The following NPHP4 variants were observed in gnomAD, a reference collection of about 807,000 sequenced individuals.
NPHP4 encodes the protein nephrocystin-4.
NPHP4 carries 151 observed loss-of-function variants against 155.8 expected under a neutral mutation model. The observed-to-expected ratio is 0.97, with a 90% CI of 0.85 to 1.11. The LOEUF (loss-of-function observed/expected upper bound fraction) is 1.11. Ranked by LOEUF, NPHP4 falls within the 50% of genes least tolerant of loss-of-function variation. NPHP4 has a pLI of 0.00. For missense variants in NPHP4, 1,956 were observed against 1,925.7 expected (o/e 1.02, Z -0.29); for synonymous variants, 845 against 816.8 (o/e 1.03, Z -0.59).
chr1:5,954,118 T>C (rs764968457), intron 6 of NPHP4, among the ~76,000 whole-genome samples: 1 of 152,210 alleles, frequency 6.6e-6, no homozygotes, highest in East Asian at 1.9e-4. Context: ...GTAATTCCAC[T>C]TTTTGAACCT....
rs556173094 is a variant in NPHP4 at position 5,874,784 on chromosome 1, C to A, written c.3044+90G>T. ...AGAGAAGTCAAATCGCCCCGGCTCT[C>A]GGGCAGAATTCGAGCCAGCTCAGCA... On this transcript the variant is annotated intron_variant, in intron 21 of 29. Transcript: ENST00000378156. The A allele has an allele frequency of 9.8e-6, 15 of 1,524,950 alleles. No individual in the cohort carries two copies. The East Asian group carries it at 1.6e-4, about 16-fold the overall frequency. The allele number at this position is 1,524,950 out of a possible 1,614,324, so 94.5% of individuals were successfully genotyped here.
At chr1:5,974,821 C>A (rs1453029043) in intron 3 of NPHP4, among the ~76,000 whole-genome samples, 1 of 152,174 alleles carries the variant, frequency 6.6e-6, no homozygotes, top group African/African-American at 2.4e-5. Flanking sequence ...GGGCACTCCA[C>A]AAAACCTGAG....
intron 2 of NPHP4, among the ~76,000 whole-genome samples, 196 bp downstream of exon 2, chr1:5,985,959 A>G (rs1228047677): frequency 1.3e-5 from 2 of 152,236 alleles, no homozygotes; most frequent in African/African-American, 2.4e-5. Flanking sequence ...ATTTTTAAAT[A>G]AAATGTTGGG....
At chr1:5,959,520 TGA>T (rs1177610270) in intron 6 of NPHP4, among the ~76,000 whole-genome samples, 1 of 152,164 alleles carries the variant, frequency 6.6e-6, no homozygotes, top group African/African-American at 2.4e-5. Flanking sequence ...GTCATGAGGC[TGA>T]GCCAGTCCAG....
chr1:5,875,174 C>T, intron 20 of NPHP4, 74 bp from the exon 21 acceptor site: 3 of 1,111,380 alleles, frequency 2.7e-6, no homozygotes, highest in Admixed American at 2.0e-5. Context: ...GCTGGCTGCC[C>T]ACCACCCGCG....
intron 6 of NPHP4, among the ~76,000 whole-genome samples, chr1:5,957,002 C>A (rs555836760): frequency 1.3e-5 from 2 of 152,206 alleles, no homozygotes; most frequent in Non-Finnish European, 1.5e-5. Flanking sequence ...CCTTTTACTA[C>A]CTGAAATCAT....
chr1:5,979,562 G>A (rs1226334321), intron 2 of NPHP4, among the ~76,000 whole-genome samples: 8 of 152,098 alleles, frequency 5.3e-5, no homozygotes, highest in Non-Finnish European at 1.2e-4. Context: ...TTTAAGAAAA[G>A]GGTCTCGTCT....
chr1:5,938,511 G>A (rs1646661829), intron 9 of NPHP4, among the ~76,000 whole-genome samples: 1 of 152,300 alleles, frequency 6.6e-6, no homozygotes. Flanking sequence ...GAGTCCAAAC[G>A]AGACGGACAG....
intron 1 of NPHP4, chr1:5,991,516 G>A (rs139145332): frequency 2.6e-5 from 4 of 152,396 alleles, no homozygotes; most frequent in African/African-American, 9.6e-5. Context: ...GAAAGCAGCG[G>A]TCTCCTAAGA....
chr1:5,984,486 GAT>G (rs1655169707), intron 2 of NPHP4, among the ~76,000 whole-genome samples: 1 of 152,028 alleles, frequency 6.6e-6, no homozygotes, highest in Non-Finnish European at 1.5e-5. Flanking sequence ...AGTGAGCTGA[GAT>G]CACACCACTG....
chr1:5,980,637 C>A (rs1654524800), intron 2 of NPHP4, among the ~76,000 whole-genome samples: 2 of 152,070 alleles, frequency 1.3e-5, no homozygotes, highest in African/African-American at 4.8e-5. Flanking sequence ...GCAGGCACCG[C>A]TGGGCTCTGC....
chr1:5,938,615 C>T (rs1272527995), intron 9 of NPHP4, among the ~76,000 whole-genome samples: 1 of 152,238 alleles, frequency 6.6e-6, no homozygotes, highest in Non-Finnish European at 1.5e-5. Context: ...ATGACACAGG[C>T]TGTGCGCTGT....
chr1:5,873,739 C>A, intron 22 of NPHP4: 1 of 293,716 alleles, frequency 3.4e-6, no homozygotes, highest in Admixed American at 5.2e-5. Flanking sequence ...CCCATGCCGG[C>A]CTCACGCACC....
At chr1:5,943,227 T>C (rs1281476608) in intron 9 of NPHP4, among the ~76,000 whole-genome samples, 1 of 152,110 alleles carries the variant, frequency 6.6e-6, no homozygotes, top group African/African-American at 2.4e-5. Flanking sequence ...AACTAAAAAA[T>C]GCAAAAAAAT....
chr1:5,953,831 C>T (rs1165327754), intron 6 of NPHP4, among the ~76,000 whole-genome samples: 3 of 152,236 alleles, frequency 2.0e-5, no homozygotes, highest in African/African-American at 7.2e-5. Context: ...AACCTACACA[C>T]ACCTGTGGAC....
At chr1:5,878,612 G>C (rs996015216) in intron 19 of NPHP4, among the ~76,000 whole-genome samples, 6 of 152,204 alleles carry the variant, frequency 3.9e-5, no homozygotes, top group African/African-American at 1.4e-4. Flanking sequence ...GCAGAGCCTT[G>C]CCTCATGGGT....
chr1:5,953,580 C>T (rs1339174287), intron 6 of NPHP4, among the ~76,000 whole-genome samples: 1 of 152,260 alleles, frequency 6.6e-6, no homozygotes, highest in Non-Finnish European at 1.5e-5. Flanking sequence ...TGCAAACACA[C>T]TGAGCAGGCA....
At chr1:5,899,106 G>T (rs376918497) in intron 16 of NPHP4, among the ~76,000 whole-genome samples, 1 of 152,206 alleles carries the variant, frequency 6.6e-6, no homozygotes, top group Non-Finnish European at 1.5e-5. Context: ...GGCGCAGCAC[G>T]AGGGAAACCT....
At chr1:5,957,931 C>T (rs553984404) in intron 6 of NPHP4, among the ~76,000 whole-genome samples, 39 of 152,348 alleles carry the variant, frequency 2.6e-4, no homozygotes, top group South Asian at 8.3e-4. Context: ...TCAAGAGAGA[C>T]CTATGACCTC....
Sources: gnomAD v4.1 joint callset for allele counts (sites outside exome capture counted in the v4.1 genomes callset) on GRCh38, gnomAD v4.1.1 for gene constraint, MANE v1.5 for transcripts, NCBI Gene and HGNC (gene_info 2026-07-23, HGNC 2026-07-21) for gene names.